Variants in SYP observed in about 807,000 individuals in gnomAD.
The protein encoded by SYP is major synaptic vesicle protein P38.
In SYP, 2 loss-of-function variants were observed where a neutral mutation model predicts 24.3. The ratio of observed to expected loss-of-function variants is 0.08; its 90% CI spans 0.03 to 0.26. The LOEUF is 0.26. Among genes scored for constraint, SYP ranks in the 10% least tolerant of loss-of-function variants. The pLI is 1.00. For synonymous variants in SYP, 143 were observed against 123.2 expected (o/e 1.16, Z -1.07); for missense variants, 216 against 266.3 (o/e 0.81, Z 1.32).
At chrX:49,196,501 A>C (rs782040200) in intron 3 of SYP, among the ~76,000 whole-genome samples, 6 of 112,432 alleles carry the variant, frequency 5.3e-5, no homozygotes, top group Admixed American at 2.8e-4. Context: ...ACACTGATGG[A>C]GCACTTATTG....
chrX:49,194,485 G>A, intron 3 of SYP, 124 bp from the exon 4 acceptor site: 1 of 641,259 alleles, frequency 1.6e-6, no homozygotes, highest in Non-Finnish European at 2.4e-6. Context: ...CATTCATCGA[G>A]CACCTACTAT....
chrX:49,196,169 A>C (rs1435044554), intron 3 of SYP, among the ~76,000 whole-genome samples: 1 of 111,295 alleles, frequency 9.0e-6, no homozygotes, highest in African/African-American at 3.3e-5. Context: ...GGTCTTGTGG[A>C]TCCCCAAAGG....
At chrX:49,198,831 T>C in intron 2 of SYP, 137 bp downstream of exon 2, 1 of 711,331 alleles carries the variant, frequency 1.4e-6, no homozygotes, top group Non-Finnish European at 2.2e-6. Flanking sequence ...AACCTCACCC[T>C]GGAGCCCAAT....
chrX:49,194,958 T>C (rs2065523646), intron 3 of SYP, among the ~76,000 whole-genome samples: 1 of 111,302 alleles, frequency 9.0e-6, no homozygotes, highest in South Asian at 3.7e-4. Flanking sequence ...CTGCCCGCCT[T>C]GGCCTCCCAG....
intron 1 of SYP, among the ~76,000 whole-genome samples, chrX:49,199,428 G>A: frequency 9.4e-6 from 1 of 106,558 alleles, no homozygotes; most frequent in East Asian, 3.0e-4. Flanking sequence ...AGTCGGTTTG[G>A]CTCAGGTGGG....
rs1334785428 is a variant in SYP at position 49,198,030 on chromosome X, TTCTCTCTCTGTG to T, written c.103-203_103-192del. The T allele has an allele frequency of 2.4e-5, 12 of 496,774 alleles. No homozygotes were observed. The South Asian group carries it at 3.5e-4, about 15-fold the overall frequency. 40.9% of individuals were successfully genotyped at this position (496,774 alleles called of 1,213,427 possible). A position where few individuals can be genotyped will look rare whatever the true frequency, so the allele number is the denominator to read the frequency against. On this transcript the variant is annotated intron_variant, in intron 2 of 6. Transcript: ENST00000263233. ...CAAGGGTATGGCTGTCTCTTCCTGT[TTCTCTCTCTGTG>T]TCTCTCTCTGTCTCTGCCTTTCCAT...
Position 49,189,148 on chromosome X carries a change from A to T in SYP, c.*139T>A, listed in dbSNP as rs2065497710. ...GACAGATAAATAGATATTTATATAT[A>T]ATATATATATATATAAACAGCAAAG... is the stretch of plus-strand genomic sequence containing the variant. On this transcript the variant is annotated 3_prime_UTR_variant, in exon 7 of 7. Coordinates refer to ENST00000263233, the MANE Select transcript of SYP (RefSeq NM_003179.3). 1.9e-5 allele frequency: 2 copies of T among 106,243 alleles called. No homozygotes were observed. The highest frequency in any genetic ancestry group is 1.0e-4 in the Admixed American group (1 of 9,720). 8.8% of individuals were successfully genotyped at this position (106,243 alleles called of 1,213,427 possible).
intron 1 of SYP, 134 bp from the exon 2 acceptor site, chrX:49,199,167 C>A: frequency 1.6e-6 from 1 of 619,211 alleles, no homozygotes; most frequent in South Asian, 2.5e-5. Context: ...GAAAGTGACA[C>A]CTTGGGGATG....
In SYP at chrX:49,193,477, G is replaced by A. The variant is rs1557103016; in HGVS notation, c.424-14C>T. 8.3e-7 allele frequency: 1 copy of A among 1,208,770 alleles called. No individual in the cohort carries two copies. Among genetic ancestry groups the A allele is most frequent in the African/African-American group, 1.7e-5 (1 of 57,593 alleles). On this transcript the variant is annotated splice_polypyrimidine_tract_variant and intron_variant, in intron 4 of 6. Transcript: ENST00000263233. ...GGCCAGAAAGTCCTAAGGCAGGCAG[G>A]GGTGAGGAAGACAGCACTGTGAGTG...
At chrX:49,191,211 T>C in intron 6 of SYP, 1 of 457,751 alleles carries the variant, frequency 2.2e-6, no homozygotes, top group Non-Finnish European at 3.8e-6. Flanking sequence ...GGCTCTTCAT[T>C]CTGTCCATCT....
Position 49,191,770 on chromosome X carries a change from G to A in SYP, c.616-7C>T. 2 of 1,200,674 alleles carry A rather than the reference G, an allele frequency of 1.7e-6. No homozygotes were observed. Among genetic ancestry groups the A allele is most frequent in the Non-Finnish European group, 2.2e-6 (2 of 889,331 alleles). On this transcript the variant is annotated splice_polypyrimidine_tract_variant and splice_region_variant and intron_variant, in intron 5 of 6. Transcript: ENST00000263233. ...GGTTCAGGAAGCCGAACACCTGCAGGGAGACAAGGCTCGGCTGTGGTACCC... is the reference window on the plus strand; with the variant it reads ...GGTTCAGGAAGCCGAACACCTGCAGAGAGACAAGGCTCGGCTGTGGTACCC...
chrX:49,200,056 C>T, intron 1 of SYP, 95 bp downstream of exon 1: 1 of 1,083,164 alleles, frequency 9.2e-7, no homozygotes. Context: ...CGCTGCCAGA[C>T]CCTGGCCACC....
intron 2 of SYP, chrX:49,198,658 CT>C (rs1415348387): frequency 2.9e-6 from 1 of 339,668 alleles, no homozygotes; most frequent in Non-Finnish European, 5.2e-6. Flanking sequence ...GTTTCTCTGA[CT>C]TTGCATCTCT....
chrX:49,196,712 C>T (rs2065529304), intron 3 of SYP, among the ~76,000 whole-genome samples: 1 of 111,641 alleles, frequency 9.0e-6, no homozygotes, highest in South Asian at 3.7e-4. Flanking sequence ...GTCATCCCAC[C>T]CTGCAGGAGG....
chrX:49,190,181 C>A (rs1467603981), intron 6 of SYP, among the ~76,000 whole-genome samples: 1 of 103,903 alleles, frequency 9.6e-6, no homozygotes, highest in Non-Finnish European at 2.0e-5. Context: ...TTCTCTTTTT[C>A]TTTTTTTTTT....
chrX:49,191,877 G>A (rs1204334646), intron 5 of SYP, 114 bp from the exon 6 acceptor site: 1 of 854,935 alleles, frequency 1.2e-6, no homozygotes, highest in East Asian at 3.4e-5. Context: ...GGGGGTTTCT[G>A]AAACCCAGAC....
chrX:49,190,328 C>T (rs956692994), intron 6 of SYP, among the ~76,000 whole-genome samples: 17 of 109,184 alleles, frequency 1.6e-4, no homozygotes, highest in Non-Finnish European at 2.3e-4. Context: ...TACAGACGTG[C>T]GCCACCATGC....
At chrX:49,200,043 C>G in intron 1 of SYP, 108 bp downstream of exon 1, 1 of 1,012,035 alleles carries the variant, frequency 9.9e-7, no homozygotes, top group Non-Finnish European at 1.3e-6. Context: ...GGGACCGGGT[C>G]TCCGCTGCCA....
chrX:49,193,352 C>T lies in SYP; in HGVS notation c.535G>A (p.Glu179Lys). ...MATDPENIIK[E>K]MPVCRQTGNT... The stretch of plus-strand genomic sequence containing the variant: ...CCTGTCTGGCGGCAGACAGGCATCT[C>T]CTTGATAATGTTCTCTGGGTCTGTG... The change falls in exon 5 of 7, where the codon GAG becomes AAG. Residue 179 changes from glutamate (E) to lysine (K), a missense_variant. Transcript: ENST00000263233. 23 of 1,212,325 alleles carry T rather than the reference C, an allele frequency of 1.9e-5. No homozygotes were observed. The highest frequency in any genetic ancestry group is 2.6e-5 in the Non-Finnish European group (23 of 895,587).
Sources: gnomAD v4.1 joint callset for allele counts (sites outside exome capture counted in the v4.1 genomes callset) on GRCh38, gnomAD v4.1.1 for gene constraint, MANE v1.5 for transcripts, NCBI Gene and HGNC (gene_info 2026-07-23, HGNC 2026-07-21) for gene names.